Variants in TNN observed in about 807,000 individuals in gnomAD.
TNN encodes tenascin-N.
In TNN, 122 loss-of-function variants were observed where a neutral mutation model predicts 134.4. The observed-to-expected ratio is 0.91, with a 90% CI of 0.78 to 1.06. The LOEUF (loss-of-function observed/expected upper bound fraction) is 1.06. TNN is among the 50% of genes least tolerant of loss of function. TNN has a pLI of 0.00. For synonymous variants in TNN, 710 were observed against 670.3 expected, an observed-to-expected ratio of 1.06 and a Z score of -0.91; for missense variants, 1,739 against 1,699.4, an observed-to-expected ratio of 1.02 and a Z score of -0.41.
intron 1 of TNN, among the ~76,000 whole-genome samples, chr1:175,075,337 G>A (rs1159627485): frequency 3.9e-5 from 6 of 152,080 alleles, no homozygotes; most frequent in East Asian, 3.9e-4. Flanking sequence ...TTGCTCTGTC[G>A]CCCAGGCTGG....
chr1:175,074,663 C>T (rs1259395303), intron 1 of TNN, among the ~76,000 whole-genome samples: 1 of 152,096 alleles, frequency 6.6e-6, no homozygotes, highest in African/African-American at 2.4e-5. Context: ...ATCAACAATA[C>T]ATGCTTTTGG....
At chr1:175,126,906 G>A in intron 12 of TNN, 49 bp from the exon 13 acceptor site, 1 of 1,559,110 alleles carries the variant, frequency 6.4e-7, no homozygotes, top group East Asian at 2.3e-5. Context: ...AAATTACCTT[G>A]CCTCAGTTGT....
At chr1:175,116,399 T>C (rs557186992) in intron 9 of TNN, among the ~76,000 whole-genome samples, 1 of 152,318 alleles carries the variant, frequency 6.6e-6, no homozygotes, top group East Asian at 1.9e-4. Flanking sequence ...CTCAGAGTGA[T>C]AAGTGCAATA....
chr1:175,118,297 A>T (rs1558365649), intron 10 of TNN, among the ~76,000 whole-genome samples: 1 of 152,130 alleles, frequency 6.6e-6, no homozygotes, highest in Non-Finnish European at 1.5e-5. Context: ...TTACTAGATG[A>T]ATAAAAGATT....
chr1:175,095,433 A>G (rs1244617020), intron 7 of TNN, among the ~76,000 whole-genome samples: 1 of 152,218 alleles, frequency 6.6e-6, no homozygotes, highest in Non-Finnish European at 1.5e-5. Flanking sequence ...GACTTTATTG[A>G]TAAAGATTGA....
intron 1 of TNN, among the ~76,000 whole-genome samples, chr1:175,075,418 T>C (rs2213853): frequency 0.28 from 42,901 of 151,946 alleles, 6,161 homozygotes; most frequent in South Asian, 0.33. Flanking sequence ...TATCTCAGCC[T>C]CCCAAGAAGC....
Position 175,067,882 on chromosome 1 carries a change from G to A in TNN, c.-89G>A, listed in dbSNP as rs778661994. On this transcript the variant is annotated 5_prime_UTR_variant, in exon 1 of 19. Coordinates refer to ENST00000239462, the MANE Select transcript of TNN (RefSeq NM_022093.2). Reference sequence around the variant, plus strand: ...CAAGTACCAAGGTCTGCGGCAGGAGGAGACCGGCTCACAGGAGCAGCAGCA... The same window carrying A: ...CAAGTACCAAGGTCTGCGGCAGGAGAAGACCGGCTCACAGGAGCAGCAGCA... 2 of 501,274 alleles carry A rather than the reference G, an allele frequency of 4.0e-6. No individual in the cohort carries two copies. Among genetic ancestry groups the A allele is most frequent in the South Asian group, 2.9e-5 (2 of 68,128 alleles). 31.1% of individuals were successfully genotyped at this position (501,274 alleles called of 1,614,324 possible).
At chr1:175,128,465 T>G in intron 14 of TNN, 130 bp from the exon 15 acceptor site, 1 of 1,169,472 alleles carries the variant, frequency 8.6e-7, no homozygotes, top group East Asian at 2.6e-5. Flanking sequence ...GAGTGAAGAG[T>G]TGGAAGAAGC....
rs549477571 is a variant in TNN at position 175,146,597 on chromosome 1, C to T, written c.3760-334C>T. 3.9e-5 allele frequency among the ~76,000 whole-genome samples: 6 copies of T among 152,050 alleles called. No homozygotes were observed. The South Asian group carries it at 8.4e-4, about 21-fold the overall frequency. ...GAAGGAAAGATAATTTGCCCATTGC[C>T]GGCCCGGTTGACCCCTGTGTTGTCT... On this transcript the variant is annotated intron_variant, in intron 18 of 18. Transcript: ENST00000239462.
chr1:175,114,082 G>A (rs1675104818), intron 9 of TNN, among the ~76,000 whole-genome samples: 1 of 152,124 alleles, frequency 6.6e-6, no homozygotes, highest in South Asian at 2.1e-4. Flanking sequence ...TGTTTCTAGA[G>A]AGTTATTATG....
intron 7 of TNN, among the ~76,000 whole-genome samples, chr1:175,096,629 G>A (rs745873192): frequency 2.0e-5 from 3 of 152,156 alleles, no homozygotes; most frequent in Non-Finnish European, 4.4e-5. Context: ...ACTCCCTAAG[G>A]ATGTACATTT....
At chr1:175,123,704 T>C (rs2072041) in intron 12 of TNN, 41 bp downstream of exon 12, 1,000,321 of 1,609,674 alleles carry the variant, frequency 0.62, 311,912 homozygotes, top group Admixed American at 0.65. Context: ...CTCACACTTA[T>C]CAGGAGAGAA....
intron 9 of TNN, among the ~76,000 whole-genome samples, chr1:175,099,844 T>C (rs959461383): frequency 1.3e-5 from 2 of 152,196 alleles, no homozygotes; most frequent in African/African-American, 4.8e-5. Flanking sequence ...GGTCTCTCAC[T>C]GTAGGCAAAT....
chr1:175,103,680 TC>T (rs1435584052), intron 9 of TNN, among the ~76,000 whole-genome samples: 7 of 144,936 alleles, frequency 4.8e-5, no homozygotes. Context: ...TCTTTCTGAC[TC>T]CTTTTTTTTG....
At chr1:175,113,427 T>C (rs114098473) in intron 9 of TNN, among the ~76,000 whole-genome samples, 4,132 of 152,290 alleles carry the variant, frequency 0.027, 202 homozygotes, top group African/African-American at 0.094. Context: ...AATTTTGCTG[T>C]TTGTCTAATG....
chr1:175,097,524 A>T lies in TNN; in HGVS notation c.1696A>T (p.Thr566Ser). 2 of 1,614,182 alleles carry T rather than the reference A, an allele frequency of 1.2e-6. No homozygotes were observed. Among genetic ancestry groups the T allele is most frequent in the Non-Finnish European group, 1.7e-6 (2 of 1,180,034 alleles). Residue 566 changes from threonine to serine, a missense_variant, in exon 8 of 19, where the codon ACC becomes TCC. Transcript: ENST00000239462. ...CATTGACAAGTACGTGGTGCGCTACACCTCTGCTGACGACCAAGAGACCAG... is the reference window on the plus strand; with the variant it reads ...CATTGACAAGTACGTGGTGCGCTACTCCTCTGCTGACGACCAAGAGACCAG... Reference protein sequence around the residue: ...ATIDKYVVRYTSADDQETREV... With the variant: ...ATIDKYVVRYSSADDQETREV...
intron 7 of TNN, among the ~76,000 whole-genome samples, chr1:175,096,746 T>C (rs1005921707): frequency 2.0e-5 from 3 of 152,168 alleles, no homozygotes; most frequent in African/African-American, 7.2e-5. Flanking sequence ...ACCTATGAGG[T>C]AGGTAGTGGT....
rs372170240 is a variant in TNN at position 175,123,606 on chromosome 1, G to A, written c.2857G>A (p.Val953Met). 39 of 1,614,200 alleles carry A rather than the reference G, an allele frequency of 2.4e-5. No homozygotes were observed. In the East Asian group the frequency reaches 3.6e-4, roughly 15 times the overall value. The change falls in exon 12 of 19, where the codon GTG becomes ATG. Residue 953 changes from valine (V) to methionine (M), a missense_variant. Physicochemically the swap from Val to Met is conservative, Grantham distance 21. Coordinates refer to ENST00000239462, the MANE Select transcript of TNN (RefSeq NM_022093.2). ...LRPGMEYMVHVWAQKGAQESK... is the reference protein window; with the variant it reads ...LRPGMEYMVHMWAQKGAQESK... ...ACCAGGCATGGAGTACATGGTGCACGTGTGGGCCCAGAAGGGGGCCCAGGA... is the reference window on the plus strand; with the variant it reads ...ACCAGGCATGGAGTACATGGTGCACATGTGGGCCCAGAAGGGGGCCCAGGA...
At chr1:175,117,291 C>A in intron 10 of TNN, 86 bp downstream of exon 10, 1 of 1,586,442 alleles carries the variant, frequency 6.3e-7, no homozygotes, top group Admixed American at 1.9e-5. Context: ...CTGACATTGG[C>A]AGAAGTCAAT....
Sources: allele counts gnomAD v4.1 joint callset (sites outside exome capture counted in the v4.1 genomes callset), GRCh38; gene constraint gnomAD v4.1.1; transcripts MANE v1.5; gene names NCBI Gene and HGNC (gene_info 2026-07-23, HGNC 2026-07-21).